Variants in SSH1 observed in about 807,000 individuals in gnomAD.
SSH1 encodes protein phosphatase Slingshot homolog 1.
Under a neutral mutation model 79.7 loss-of-function variants are expected in SSH1, and 43 were observed. The ratio of observed to expected loss-of-function variants is 0.54; its 90% CI spans 0.42 to 0.70. The LOEUF is 0.70. Ranked by LOEUF, SSH1 falls within the 30% of genes least tolerant of loss-of-function variation. The pLI is 0.00. For missense variants in SSH1, 1,206 were observed against 1,358.8 expected (o/e 0.89, Z 1.77); for synonymous variants, 599 against 538.3 (o/e 1.11, Z -1.56).
rs759152593 is a variant in SSH1 at position 108,788,524 on chromosome 12, C to T, written c.2614G>A (p.Val872Ile). The T allele has an allele frequency of 6.4e-7, 1 of 1,563,292 alleles. No individual in the cohort carries two copies. Among genetic ancestry groups the T allele is most frequent in the Non-Finnish European group, 8.7e-7 (1 of 1,155,542 alleles). ...TCACTCCCGGCCTGGCTGGGCATAACCAGGGGGCCCAGCTCGTGGAGCGCG... is the reference window on the plus strand; with the variant it reads ...TCACTCCCGGCCTGGCTGGGCATAATCAGGGGGCCCAGCTCGTGGAGCGCG... ...PAALHELGPL[V>I]MPSQAGSDEK... Residue 872 changes from valine (V) to isoleucine (I), a missense_variant, in exon 15 of 15, where the codon GTT becomes ATT. Val to Ile is a conservative substitution (Grantham distance 29). Around this residue, in one of 5 missense-constraint regions of SSH1, gnomAD observed 709 missense variants for 730.6 expected, o/e 0.97. Transcript: ENST00000326495.
At chr12:108,844,562 C>T (rs1196506957) in intron 2 of SSH1, among the ~76,000 whole-genome samples, 3 of 152,182 alleles carry the variant, frequency 2.0e-5, no homozygotes, top group Non-Finnish European at 4.4e-5. Context: ...TGGGGGCATC[C>T]CTAGAACACA....
At position 108,788,410 on chromosome 12, in the gene SSH1, T is replaced by C; in HGVS notation, c.2728A>G (p.Ser910Gly). The C allele has an allele frequency of 6.2e-7, 1 of 1,608,510 alleles. No homozygotes were observed. Among genetic ancestry groups the C allele is most frequent in the African/African-American group, 1.3e-5 (1 of 74,904 alleles). ...PFFYRLDHTS[S>G]FSKDFLKTIC... ...GTCTTCAGAAAGTCTTTTGAGAAAC[T>C]ACTGGTGTGGTCCAGGCGGTAGAAG... The change falls in exon 15 of 15, where the codon AGT becomes GGT. Residue 910 changes from serine (S) to glycine (G), a missense_variant. By Grantham distance (56) the Ser-to-Gly change is moderately conservative. Around this residue, in one of 5 missense-constraint regions of SSH1, gnomAD observed 709 missense variants for 730.6 expected, o/e 0.97. Transcript: ENST00000326495.
chr12:108,797,217 C>T (rs1325046617), intron 13 of SSH1, among the ~76,000 whole-genome samples: 1 of 152,162 alleles, frequency 6.6e-6, no homozygotes, highest in Admixed American at 6.5e-5. Flanking sequence ...ACCTCTGCCC[C>T]CTGGGCTCAA....
At chr12:108,797,438 G>A (rs1005432188) in intron 13 of SSH1, among the ~76,000 whole-genome samples, 2 of 152,182 alleles carry the variant, frequency 1.3e-5, no homozygotes, top group African/African-American at 2.4e-5. Context: ...GTGTCCCAGA[G>A]TAAGAACACC....
chr12:108,827,316 G>C, intron 2 of SSH1: 1 of 1,551,176 alleles, frequency 6.4e-7, no homozygotes, highest in Non-Finnish European at 8.7e-7. Flanking sequence ...GCTGAAGGAA[G>C]ATGCAGAAGT....
In SSH1 at chr12:108,785,737, ATT is replaced by A. The variant is rs2036254291; in HGVS notation, c.*2249_*2250del. On this transcript the variant is annotated 3_prime_UTR_variant, in exon 15 of 15. Coordinates refer to ENST00000326495, the MANE Select transcript of SSH1 (RefSeq NM_018984.4). ...AAATTAAAGTTTTCAAAAATATATC[ATT>A]CTCATACATAGACGTGGTTAAAAAA... 6.6e-6 allele frequency: 1 copy of A among 151,534 alleles called. No homozygotes were observed. 9.4% of individuals were successfully genotyped at this position (151,534 alleles called of 1,614,324 possible).
At chr12:108,840,272 C>G (rs2038744718) in intron 2 of SSH1, among the ~76,000 whole-genome samples, 3 of 152,108 alleles carry the variant, frequency 2.0e-5, no homozygotes, top group Non-Finnish European at 2.9e-5. Context: ...TGGCTCATGC[C>G]TGTAATCCCA....
intron 2 of SSH1, among the ~76,000 whole-genome samples, chr12:108,831,747 C>G (rs778869080): frequency 9.2e-5 from 14 of 152,148 alleles, no homozygotes; most frequent in Non-Finnish European, 2.9e-5. Flanking sequence ...AGGATTTGGC[C>G]TCTGTCATAA....
chr12:108,852,387 C>T (rs2039059962), intron 2 of SSH1, among the ~76,000 whole-genome samples: 2 of 151,836 alleles, frequency 1.3e-5, no homozygotes, highest in Admixed American at 6.6e-5. Flanking sequence ...CACTACCACG[C>T]CCGGTTAATT....
intron 2 of SSH1, among the ~76,000 whole-genome samples, chr12:108,831,227 C>T (rs2038465444): frequency 6.6e-6 from 1 of 152,150 alleles, no homozygotes; most frequent in Admixed American, 6.6e-5. Context: ...AGAACTAACC[C>T]TCAATGGTAC....
At chr12:108,828,175 A>G (rs1003029088) in intron 2 of SSH1, among the ~76,000 whole-genome samples, 2 of 152,176 alleles carry the variant, frequency 1.3e-5, no homozygotes, top group Non-Finnish European at 2.9e-5. Flanking sequence ...GGGAGCATTT[A>G]ACTGGTGACT....
chr12:108,836,769 T>C (rs927543134), intron 2 of SSH1: 5 of 376,374 alleles, frequency 1.3e-5, no homozygotes, highest in South Asian at 5.9e-5. Flanking sequence ...AATGTCACCA[T>C]AGTGGGACAA....
chr12:108,808,282 C>T (rs60134041), intron 7 of SSH1, among the ~76,000 whole-genome samples: 3,630 of 152,298 alleles, frequency 0.024, 166 homozygotes, highest in East Asian at 0.22. Flanking sequence ...GTCACACTTA[C>T]ACATACAGGC....
At chr12:108,841,118 G>C (rs1737963533) in intron 2 of SSH1, among the ~76,000 whole-genome samples, 1 of 152,236 alleles carries the variant, frequency 6.6e-6, no homozygotes, top group South Asian at 2.1e-4. Flanking sequence ...GAGAAGTGAA[G>C]AGGCGTTGCC....
intron 13 of SSH1, 99 bp downstream of exon 13, chr12:108,798,901 A>T: frequency 7.0e-7 from 1 of 1,424,770 alleles, no homozygotes; most frequent in Non-Finnish European, 9.8e-7. Context: ...TGCTGGGCCG[A>T]ATGGGAGCAT....
intron 2 of SSH1, among the ~76,000 whole-genome samples, chr12:108,843,509 G>A (rs377428941): frequency 1.3e-5 from 2 of 152,026 alleles, no homozygotes; most frequent in African/African-American, 2.4e-5. Flanking sequence ...GTGCCATCTT[G>A]AAATTCTTAA....
chr12:108,817,043 C>T lies in SSH1; in HGVS notation c.396G>A (p.Lys132=). 6.2e-7 allele frequency: 1 copy of T among 1,614,092 alleles called. No individual in the cohort carries two copies. Residue 132 remains lysine, a synonymous_variant, in exon 5 of 15, where the codon AAG becomes AAA. Coordinates refer to ENST00000326495, the MANE Select transcript of SSH1 (RefSeq NM_018984.4). ...ACCTAGCCCATCAGACTCACCTTTC[C>T]TTACTGGAAAAGTCCACTCCCAGCA... is the stretch of plus-strand genomic sequence containing the variant. The part of the protein sequence containing the change: ...NILLGVDFSS[K]ESKSCTIGMV...
intron 5 of SSH1, among the ~76,000 whole-genome samples, chr12:108,815,107 AG>A (rs764483480): frequency 1.3e-5 from 2 of 152,218 alleles, no homozygotes; most frequent in Non-Finnish European, 2.9e-5. Flanking sequence ...GGTGGTGTAC[AG>A]GAAGAGAGCT....
intron 5 of SSH1, 127 bp from the exon 6 acceptor site, chr12:108,811,455 G>A: frequency 1.2e-6 from 1 of 811,920 alleles, no homozygotes; most frequent in Non-Finnish European, 2.2e-6. Flanking sequence ...GTCTGCATAG[G>A]AACCGTTCAC....
Sources: allele counts gnomAD v4.1 joint callset (sites outside exome capture counted in the v4.1 genomes callset), GRCh38; gene constraint gnomAD v4.1.1; regional missense constraint gnomAD v4.1.1; transcripts MANE v1.5; gene names NCBI Gene and HGNC (gene_info 2026-07-23, HGNC 2026-07-21).